Variants in ZNF419 observed in about 807,000 individuals in gnomAD.
ZNF419 encodes the protein zinc finger protein 419A.
Under a neutral mutation model 14.9 loss-of-function variants are expected in ZNF419, and 8 were observed. The observed-to-expected ratio is 0.54, with a 90% confidence interval of 0.32 to 0.97. ZNF419 has a LOEUF of 0.97. Ranked by LOEUF, ZNF419 falls within the 50% of genes least tolerant of loss-of-function variation. ZNF419 has a pLI of 0.04. For missense variants in ZNF419, 595 were observed against 607.2 expected (o/e 0.98, Z 0.21); for synonymous variants, 211 against 205.3 (o/e 1.03, Z -0.24).
Position 57,488,008 on chromosome 19 carries a change from C to A in ZNF419, c.33+25C>A, listed in dbSNP as rs755979883. The A allele has an allele frequency of 1.1e-5, 18 of 1,613,234 alleles. No individual in the cohort carries two copies. The Admixed American group carries it at 3.0e-4, about 27-fold the overall frequency. ...GGTGAGCGCCGCGTCCTCCTGGCCTCCCCCGAATCCTAAAGCCCTGTGAGG... is the reference window on the plus strand; with the variant it reads ...GGTGAGCGCCGCGTCCTCCTGGCCTACCCCGAATCCTAAAGCCCTGTGAGG... On this transcript the variant is annotated intron_variant, in intron 1 of 4. Transcript: ENST00000221735.
rs1253756547 is a variant in ZNF419 at position 57,494,194 on chromosome 19, T to A, written c.*104T>A. ...CAGATGGAAATCCGTTAGCCACACC[T>A]CCAGTCTCATTCAACACTGGACAGT... On this transcript the variant is annotated 3_prime_UTR_variant, in exon 5 of 5. Coordinates refer to ENST00000221735, the MANE Select transcript of ZNF419 (RefSeq NM_024691.4). 2 of 1,467,288 alleles carry A rather than the reference T, an allele frequency of 1.4e-6. No homozygotes were observed. The highest frequency in any genetic ancestry group is 2.8e-5 in the African/African-American group (2 of 70,686). 90.9% of individuals were successfully genotyped at this position (1,467,288 alleles called of 1,614,324 possible). A position where few individuals can be genotyped will look rare whatever the true frequency, so the allele number is the denominator to read the frequency against.
rs749863226 is a variant in ZNF419 at position 57,493,303 on chromosome 19, A to G, written c.746A>G (p.His249Arg). ...LFRDMSNLFIHQIVHTGERPY... is the reference protein window; with the variant it reads ...LFRDMSNLFIRQIVHTGERPY... ...AGAGATATGTCCAACCTTTTTATAC[A>G]CCAAATAGTTCACACTGGAGAAAGG... is the stretch of plus-strand genomic sequence containing the variant. The change falls in exon 5 of 5, where the codon CAC (histidine) becomes CGC (arginine). Residue 249 changes from histidine (H) to arginine (R), a missense_variant. Transcript: ENST00000221735. 92 of 1,614,130 alleles carry G rather than the reference A, an allele frequency of 5.7e-5. 1 individual carries two copies. In the Admixed American group the frequency reaches 1.5e-3, roughly 26 times the overall value.
chr19:57,488,529 A>AC, intron 1 of ZNF419: 1 of 77,042 alleles, frequency 1.3e-5, no homozygotes, highest in Non-Finnish European at 2.8e-5. Flanking sequence ...TGACTGAAAG[A>AC]AAGGGAATGA....
intron 4 of ZNF419, chr19:57,492,580 A>G: frequency 1.3e-6 from 1 of 751,848 alleles, no homozygotes; most frequent in East Asian, 2.5e-5. Context: ...AGTCCTGTGG[A>G]AAGCCATTTG....
At position 57,493,166 on chromosome 19, in the gene ZNF419, C is replaced by T. The variant is rs1355655596; in HGVS notation, c.609C>T (p.Tyr203=). The change falls in exon 5 of 5, where the codon TAC becomes TAT. Residue 203 remains tyrosine (Y), a synonymous_variant. Coordinates refer to ENST00000221735, the MANE Select transcript of ZNF419 (RefSeq NM_024691.4). ...CCTTTCATGCTGGAAAAAGGCATTA[C>T]AAATGCAGTGAATGTGGGAAAGCCT... The part of the protein sequence containing the change: ...REAFHAGKRH[Y]KCSECGKAFG... The T allele has an allele frequency of 6.2e-7, 1 of 1,614,224 alleles. No homozygotes were observed. The highest frequency in any genetic ancestry group is 1.7e-5 in the Admixed American group (1 of 60,034).
At chr19:57,488,571 G>C (rs12978073) in intron 1 of ZNF419, 42,023 of 152,050 alleles carry the variant, frequency 0.28, 6,354 homozygotes, top group Middle Eastern at 0.38. Flanking sequence ...TTGTATTTTT[G>C]TTTGTTTGTT....
Position 57,494,279 on chromosome 19 carries a change from T to A in ZNF419, c.*189T>A. On this transcript the variant is annotated 3_prime_UTR_variant, in exon 5 of 5. Transcript: ENST00000221735. ...GGTTTCAGCCAAAGGCCTAACCCTA[T>A]TCAACACCAGAAAGTTTACACTGGA... 1 of 864,964 alleles carries A rather than the reference T, an allele frequency of 1.2e-6. No homozygotes were observed. Among genetic ancestry groups the A allele is most frequent in the Non-Finnish European group, 1.7e-6 (1 of 591,284 alleles). The allele number at this position is 864,964 out of a possible 1,614,324, so 53.6% of individuals were successfully genotyped here. A position where few individuals can be genotyped will look rare whatever the true frequency, so the allele number is the denominator to read the frequency against.
chr19:57,492,454 T>G (rs1476350488), intron 4 of ZNF419: 1 of 769,290 alleles, frequency 1.3e-6, no homozygotes, highest in East Asian at 2.4e-5. Context: ...GAATGTGTGG[T>G]GAGGTGGATG....
Position 57,492,928 on chromosome 19 carries a change from T to G in ZNF419, c.371T>G (p.Ile124Ser). ...TCTGTAGGACTGCTCAGTTCAAACA[T>G]TCAGCAACACCAGAAGCAGCACTGT... ...IASVGLLSSN[I>S]QQHQKQHCGE... Residue 124 changes from isoleucine to serine, a missense_variant, in exon 5 of 5, where the codon ATT becomes AGT. Physicochemically the swap from Ile to Ser is moderately radical, Grantham distance 142. Transcript: ENST00000221735. 1 of 1,614,176 alleles carries G rather than the reference T, an allele frequency of 6.2e-7. No homozygotes were observed. The highest frequency in any genetic ancestry group is 8.5e-7 in the Non-Finnish European group (1 of 1,180,034).
In ZNF419 at chr19:57,493,473, C is replaced by G; in HGVS notation, c.916C>G (p.His306Asp). ...FRHNSTLVQH[H>D]KIHTGVRPYE... is the part of the protein sequence containing the mutation. ...GCATAATTCCACACTTGTTCAGCAT[C>G]ACAAAATCCACACTGGAGTAAGGCC... The change falls in exon 5 of 5, where the codon CAC (histidine) becomes GAC (aspartate). Residue 306 changes from histidine (H) to aspartate (D), a missense_variant. By Grantham distance (81) the His-to-Asp change is moderately conservative. Transcript: ENST00000221735. The G allele has an allele frequency of 2.5e-6, 4 of 1,614,038 alleles. No individual in the cohort carries two copies. The highest frequency in any genetic ancestry group is 3.4e-6 in the Non-Finnish European group (4 of 1,180,006).
chr19:57,491,149 G>A (rs907975132), intron 2 of ZNF419: 6 of 386,966 alleles, frequency 1.6e-5, no homozygotes, highest in African/African-American at 6.1e-5. Flanking sequence ...ACCTTGTACT[G>A]GGGGCTTCAG....
intron 1 of ZNF419, 66 bp downstream of exon 1, chr19:57,488,049 C>G (rs897346156): frequency 1.6e-5 from 26 of 1,603,044 alleles, no homozygotes; most frequent in Non-Finnish European, 2.0e-5. Context: ...CTGCTCAGGT[C>G]CCCGGGTGCA....
rs764824646 is a variant in ZNF419 at position 57,493,612 on chromosome 19, A to G, written c.1055A>G (p.Tyr352Cys). 4.3e-6 allele frequency: 7 copies of G among 1,613,940 alleles called. No individual in the cohort carries two copies. Among genetic ancestry groups the G allele is most frequent in the Admixed American group, 3.3e-5 (2 of 60,008 alleles). The change falls in exon 5 of 5, where the codon TAT becomes TGT. Residue 352 changes from tyrosine (Y) to cysteine (C), a missense_variant. Coordinates refer to ENST00000221735, the MANE Select transcript of ZNF419 (RefSeq NM_024691.4). Reference protein sequence around the residue: ...PYKCSECGKFYSHKSNLIKHW... With the variant: ...PYKCSECGKFCSHKSNLIKHW... ...AAGTGCAGTGAATGTGGAAAATTCT[A>G]TAGCCACAAGTCCAACCTTATCAAA...
chr19:57,491,813 G>A, intron 3 of ZNF419: 1 of 751,740 alleles, frequency 1.3e-6, no homozygotes, highest in South Asian at 1.6e-5. Flanking sequence ...TTGGGGGTCA[G>A]GAGTCTTGCA....
chr19:57,491,140 C>A (rs1474872868), intron 2 of ZNF419: 2 of 365,728 alleles, frequency 5.5e-6, no homozygotes, highest in Non-Finnish European at 1.0e-5. Context: ...GTCCCCAGGA[C>A]CTTGTACTGG....
rs750705395 is a variant in ZNF419 at position 57,491,492 on chromosome 19, G to T, written c.94G>T (p.Val32Leu). 2 of 1,614,142 alleles carry T rather than the reference G, an allele frequency of 1.2e-6. No individual in the cohort carries two copies. Among genetic ancestry groups the T allele is most frequent in the South Asian group, 2.2e-5 (2 of 91,078 alleles). The change falls in exon 3 of 5, where the codon GTG (valine) becomes TTG (leucine). Residue 32 changes from valine to leucine, a missense_variant. Coordinates refer to ENST00000221735, the MANE Select transcript of ZNF419 (RefSeq NM_024691.4). ...GCAGGGCTATGTGACCTTTGAGGAT[G>T]TGGCTGTCTACTTCTCCCAGGAGGA... ...HEEGYVTFED[V>L]AVYFSQEEWR...
At position 57,493,613 on chromosome 19, in the gene ZNF419, T is replaced by C. The variant is rs1326856865; in HGVS notation, c.1056T>C (p.Tyr352=). 5.6e-6 allele frequency: 9 copies of C among 1,614,016 alleles called. No individual in the cohort carries two copies. The highest frequency in any genetic ancestry group is 1.6e-4 in the Middle Eastern group (1 of 6,084). Residue 352 remains tyrosine (Y), a synonymous_variant, in exon 5 of 5, where the codon TAT becomes TAC. Transcript: ENST00000221735. ...AGTGCAGTGAATGTGGAAAATTCTATAGCCACAAGTCCAACCTTATCAAAC... is the reference window on the plus strand; with the variant it reads ...AGTGCAGTGAATGTGGAAAATTCTACAGCCACAAGTCCAACCTTATCAAAC... ...PYKCSECGKF[Y]SHKSNLIKHW...
Position 57,487,998 on chromosome 19 carries a change from C to T in ZNF419, c.33+15C>T, listed in dbSNP as rs753900077. The T allele has an allele frequency of 6.2e-7, 1 of 1,613,566 alleles. No individual in the cohort carries two copies. The highest frequency in any genetic ancestry group is 1.3e-5 in the African/African-American group (1 of 75,072). ...ACCCCGCTCAGGTGAGCGCCGCGTCCTCCTGGCCTCCCCCGAATCCTAAAG... is the reference window on the plus strand; with the variant it reads ...ACCCCGCTCAGGTGAGCGCCGCGTCTTCCTGGCCTCCCCCGAATCCTAAAG... On this transcript the variant is annotated intron_variant, in intron 1 of 4. Coordinates refer to ENST00000221735, the MANE Select transcript of ZNF419 (RefSeq NM_024691.4).
rs765018873 is a variant in ZNF419, at chr19:57,493,488, G to A, written c.931G>A (p.Gly311Arg). The A allele has an allele frequency of 6.2e-7, 1 of 1,614,128 alleles. No individual in the cohort carries two copies. Reference sequence around the variant, plus strand: ...TGTTCAGCATCACAAAATCCACACTGGAGTAAGGCCTTATGAGTGCAGTGA... The same window carrying A: ...TGTTCAGCATCACAAAATCCACACTAGAGTAAGGCCTTATGAGTGCAGTGA... ...TLVQHHKIHT[G>R]VRPYECSECG... Residue 311 changes from glycine (G) to arginine (R), a missense_variant, in exon 5 of 5, where the codon GGA (glycine) becomes AGA (arginine). Physicochemically the swap from Gly to Arg is moderately radical, Grantham distance 125. Transcript: ENST00000221735.
Sources: gnomAD v4.1 joint callset for allele counts on GRCh38, gnomAD v4.1.1 for gene constraint, MANE v1.5 for transcripts, NCBI Gene and HGNC (gene_info 2026-07-23, HGNC 2026-07-21) for gene names.